The following ZNF529 variants were observed in gnomAD, a reference collection of about 807,000 sequenced individuals.
ZNF529 encodes zinc finger protein 529.
Under a neutral mutation model 10.1 loss-of-function variants are expected in ZNF529, and 11 were observed. The ratio of observed to expected loss-of-function variants is 1.09; its 90% CI spans 0.69 to 1.81. The LOEUF (loss-of-function observed/expected upper bound fraction) is 1.81, where lower values mean the gene tolerates loss of function less well. Ranked by LOEUF, ZNF529 falls within the 40% of genes most tolerant of loss-of-function variation. The probability of loss-of-function intolerance (pLI) is 0.00; values close to 1 mark genes in which losing one functional copy is unlikely to be tolerated. For synonymous variants in ZNF529, 204 were observed against 215.7 expected, an observed-to-expected ratio of 0.95 and a Z score of 0.47; for missense variants, 624 against 666.8, an observed-to-expected ratio of 0.94 and a Z score of 0.71.
chr19:36,565,334 C>G (rs1317419786), intron 2 of ZNF529, among the ~76,000 whole-genome samples: 1 of 152,058 alleles, frequency 6.6e-6, no homozygotes, highest in Non-Finnish European at 1.5e-5. Flanking sequence ...GAAGACATGC[C>G]ATAATAGAAA....
upstream of ZNF529, among the ~76,000 whole-genome samples, chr19:36,576,958 C>CTTTTTTT (rs759716467): frequency 2.9e-5 from 4 of 136,016 alleles, no homozygotes; most frequent in East Asian, 2.1e-4. Flanking sequence ...TTTCTTTTTT[C>CTTTTTTT]TTTTTTTTTT....
chr19:36,552,617 C>T (rs1355072993), intron 4 of ZNF529, among the ~76,000 whole-genome samples: 1 of 152,184 alleles, frequency 6.6e-6, no homozygotes, highest in Non-Finnish European at 1.5e-5. Flanking sequence ...TCTTCTTTCA[C>T]ATCCCATAAA....
chr19:36,586,605 C>CG (rs1275858178), intron 2 of ZNF529, among the ~76,000 whole-genome samples: 2 of 150,434 alleles, frequency 1.3e-5, no homozygotes, highest in African/African-American at 4.9e-5. Context: ...AGCGAGACTC[C>CG]GTCTCAAAAA....
intron 2 of ZNF529, among the ~76,000 whole-genome samples, chr19:36,565,357 C>T (rs1441944682): frequency 1.3e-5 from 2 of 152,028 alleles, no homozygotes; most frequent in Non-Finnish European, 1.5e-5. Flanking sequence ...CTAAGGGAGC[C>T]CTGCAAGTTG....
upstream of ZNF529, among the ~76,000 whole-genome samples, chr19:36,575,880 G>A (rs1335403762): frequency 6.6e-6 from 1 of 151,536 alleles, no homozygotes; most frequent in African/African-American, 2.4e-5. Flanking sequence ...ATGGAGTCTC[G>A]CTCTGTCACC....
intron 2 of ZNF529, among the ~76,000 whole-genome samples, chr19:36,578,935 A>T (rs1025960746): frequency 6.7e-6 from 1 of 149,570 alleles, no homozygotes; most frequent in Non-Finnish European, 1.5e-5. Flanking sequence ...GCCTGGAGGC[A>T]GTGGCTCATG....
At chr19:36,593,727 A>G (rs1227732036) in intron 1 of ZNF529, 1 of 152,184 alleles carries the variant, frequency 6.6e-6, no homozygotes, top group Non-Finnish European at 1.5e-5. Flanking sequence ...AGATAAGATA[A>G]TGTTTACATG....
chr19:36,548,156 A>G lies in ZNF529; in HGVS notation c.402T>C (p.Pro134=). The part of the protein sequence containing the change: ...QSKSKIDLQG[P]EVGYFSQMKI... ...TCATTTGACTGAAATATCCCACTTCAGGTCCTTGTAAGTCAATCTTGCTTT... is the reference window on the plus strand; with the variant it reads ...TCATTTGACTGAAATATCCCACTTCGGGTCCTTGTAAGTCAATCTTGCTTT... The change falls in exon 5 of 5, where the codon CCT becomes CCC. Residue 134 remains proline (P), a synonymous_variant. Transcript: ENST00000591340. The G allele has an allele frequency of 6.2e-7, 1 of 1,613,884 alleles. No homozygotes were observed. Among genetic ancestry groups the G allele is most frequent in the Non-Finnish European group, 8.5e-7 (1 of 1,179,842 alleles).
chr19:36,568,554 C>T (rs1382571027), intron 2 of ZNF529, among the ~76,000 whole-genome samples: 2 of 151,760 alleles, frequency 1.3e-5, no homozygotes, highest in African/African-American at 2.4e-5. Context: ...TCACTGCAAC[C>T]TCTGCCTCCC....
chr19:36,587,065 G>C (rs1432359796), intron 2 of ZNF529, among the ~76,000 whole-genome samples: 2 of 152,226 alleles, frequency 1.3e-5, no homozygotes, highest in South Asian at 4.2e-4. Context: ...AGGAGTTGGA[G>C]ACCAGCCTGG....
rs2912444 is a variant in ZNF529, at chr19:36,548,167, A to C, written c.391T>G (p.Leu131Val). Residue 131 changes from leucine (L) to valine (V), a missense_variant, in exon 5 of 5, where the codon TTA becomes GTA. Transcript: ENST00000591340. ...AAATATCCCACTTCAGGTCCTTGTA[A>C]GTCAATCTTGCTTTTGCTTTGCCAG... ...NDWQSKSKID[L>V]QGPEVGYFSQ... The C allele has an allele frequency of 0.67, 1,085,055 of 1,613,432 alleles. 368,085 individuals carry two copies. Among genetic ancestry groups the C allele is most frequent in the African/African-American group, 0.8 (60,000 of 74,908 alleles).
At chr19:36,603,918 G>A (rs1480173053) in intron 1 of ZNF529, among the ~76,000 whole-genome samples, 2 of 152,170 alleles carry the variant, frequency 1.3e-5, no homozygotes, top group East Asian at 3.9e-4. Context: ...GGTGGCTCAC[G>A]CCTGTAATCC....
chr19:36,564,510 A>C (rs2035824267), intron 2 of ZNF529, among the ~76,000 whole-genome samples: 1 of 152,186 alleles, frequency 6.6e-6, no homozygotes, highest in Admixed American at 6.5e-5. Context: ...CCACACCACT[A>C]ATCATCAGAG....
At chr19:36,558,936 C>A (rs1488792516) in intron 2 of ZNF529, among the ~76,000 whole-genome samples, 4 of 146,776 alleles carry the variant, frequency 2.7e-5, no homozygotes, top group African/African-American at 2.5e-5. Context: ...AACTCAATAG[C>A]AAAAAAAAAA....
At chr19:36,595,597 T>C (rs1304026795) in intron 1 of ZNF529, among the ~76,000 whole-genome samples, 1 of 151,906 alleles carries the variant, frequency 6.6e-6, no homozygotes, top group Non-Finnish European at 1.5e-5. Context: ...TTCTTGGAGG[T>C]TGAGCTACTT....
upstream of ZNF529, chr19:36,573,394 C>T (rs868632321): frequency 4.3e-6 from 2 of 465,864 alleles, no homozygotes; most frequent in Admixed American, 4.7e-5. Flanking sequence ...AAGCGGAGCC[C>T]GCTGGCCGCA....
chr19:36,595,260 A>G (rs2145286278), intron 1 of ZNF529, among the ~76,000 whole-genome samples: 1 of 152,344 alleles, frequency 6.6e-6, no homozygotes, highest in Middle Eastern at 3.4e-3. Flanking sequence ...AAGTTGAAGA[A>G]GAGTGAATTT....
intron 4 of ZNF529, among the ~76,000 whole-genome samples, chr19:36,548,793 G>A (rs2035152013): frequency 6.6e-6 from 1 of 152,252 alleles, no homozygotes; most frequent in East Asian, 1.9e-4. Flanking sequence ...GGGCAAGGTG[G>A]GTGGGTTACC....
chr19:36,551,961 T>C (rs1454614845), intron 4 of ZNF529: 1 of 152,224 alleles, frequency 6.6e-6, no homozygotes, highest in Non-Finnish European at 1.5e-5. Context: ...TGTACCGATA[T>C]CTGTCTCAAT....
Sources: allele counts gnomAD v4.1 joint callset (sites outside exome capture counted in the v4.1 genomes callset), GRCh38; gene constraint gnomAD v4.1.1; transcripts MANE v1.5; gene names NCBI Gene and HGNC (gene_info 2026-07-23, HGNC 2026-07-21).